The following ERP27 variants were observed in gnomAD, a reference collection of about 807,000 sequenced individuals.
The protein encoded by ERP27 is endoplasmic reticulum protein 27, also known as endoplasmic reticulum resident protein 27.
A neutral mutation model predicts 27.7 loss-of-function variants in ERP27; 23 were observed. That is an observed-to-expected ratio of 0.83 (90% confidence interval 0.60 to 1.18). The LOEUF is 1.18. Ranked by LOEUF, ERP27 falls within the 50% of genes most tolerant of loss-of-function variation. The probability of loss-of-function intolerance (pLI) is 0.00; values close to 1 mark genes in which losing one functional copy is unlikely to be tolerated. For missense variants in ERP27, 363 were observed against 327.9 expected, an observed-to-expected ratio of 1.11 and a Z score of -0.83; for synonymous variants, 159 against 118.3, an observed-to-expected ratio of 1.34 and a Z score of -2.23.
intron 3 of ERP27, among the ~76,000 whole-genome samples, chr12:14,923,491 C>CG (rs59819789): frequency 1.6e-5 from 2 of 127,892 alleles, no homozygotes; most frequent in Non-Finnish European, 3.4e-5. Context: ...TATCTATAAT[C>CG]AATCTATCTA....
At position 14,915,645 on chromosome 12, in the gene ERP27, C is replaced by A; in HGVS notation, c.618G>T (p.Gly206=). The A allele has an allele frequency of 6.2e-7, 1 of 1,614,176 alleles. No homozygotes were observed. The highest frequency in any genetic ancestry group is 8.5e-7 in the Non-Finnish European group (1 of 1,180,020). ...ILVDSGMKEN[G]KVISFFKLKE... is the part of the protein sequence containing the mutation. ...TTAGTTTGAAAAATGATATCACCTT[C>A]CCATTTTCTTTCATACCACTGTCCA... is the stretch of plus-strand genomic sequence containing the variant. Residue 206 remains glycine (G), a synonymous_variant, in exon 6 of 7, where the codon GGG becomes GGT. Coordinates refer to ENST00000266397, the MANE Select transcript of ERP27 (RefSeq NM_152321.4).
rs1372560412 is a variant in ERP27, at chr12:14,938,043, C to G, written c.104G>C (p.Gly35Ala). The G allele has an allele frequency of 6.2e-7, 1 of 1,613,840 alleles. No homozygotes were observed. The highest frequency in any genetic ancestry group is 8.5e-7 in the Non-Finnish European group (1 of 1,179,806). ...AEVEKSSDGP[G>A]AAQEPTWLTD... ...GAGCCACGTGGGTTCCTGGGCAGCACCAGGACCATCTAGAGAGAGAAGCAG... is the reference window on the plus strand; with the variant it reads ...GAGCCACGTGGGTTCCTGGGCAGCAGCAGGACCATCTAGAGAGAGAAGCAG... The change falls in exon 2 of 7, where the codon GGT becomes GCT. Residue 35 changes from glycine (G) to alanine (A), a missense_variant. Gly to Ala is a moderately conservative substitution (Grantham distance 60). Transcript: ENST00000266397.
chr12:14,921,851 C>G (rs1247477972), intron 3 of ERP27, among the ~76,000 whole-genome samples: 1 of 151,890 alleles, frequency 6.6e-6, no homozygotes, highest in African/African-American at 2.4e-5. Flanking sequence ...TTCCTTTATA[C>G]CTTTATAACT....
chr12:14,930,095 A>G (rs1863675951), intron 3 of ERP27, among the ~76,000 whole-genome samples: 1 of 152,166 alleles, frequency 6.6e-6, no homozygotes. Context: ...TGACGGGTAG[A>G]TAGGTGCAGC....
chr12:14,920,751 T>G, intron 4 of ERP27, among the ~76,000 whole-genome samples, 181 bp downstream of exon 4: 1 of 152,204 alleles, frequency 6.6e-6, no homozygotes, highest in South Asian at 2.1e-4. Flanking sequence ...TTTCTCTGTT[T>G]TTTTGTCTAA....
chr12:14,929,081 G>A (rs1260512972), intron 3 of ERP27: 3 of 1,524,484 alleles, frequency 2.0e-6, no homozygotes, highest in Non-Finnish European at 2.6e-6. Flanking sequence ...ATTTTTCTAG[G>A]AATTCCTAGG....
At chr12:14,924,638 C>G (rs891803282) in intron 3 of ERP27, among the ~76,000 whole-genome samples, 9 of 152,048 alleles carry the variant, frequency 5.9e-5, no homozygotes, top group Non-Finnish European at 1.2e-4. Context: ...GAAAGCAACC[C>G]CTGACTTGAC....
intron 4 of ERP27, among the ~76,000 whole-genome samples, chr12:14,917,628 C>T (rs1863432482): frequency 6.6e-6 from 1 of 152,180 alleles, no homozygotes; most frequent in African/African-American, 2.4e-5. Context: ...TGAGGAATAC[C>T]AGCCCCAGTG....
At chr12:14,931,337 G>A (rs1305223975) in intron 3 of ERP27, among the ~76,000 whole-genome samples, 1 of 137,928 alleles carries the variant, frequency 7.3e-6, no homozygotes, top group East Asian at 2.2e-4. Flanking sequence ...TGTAAAATAG[G>A]ATAGTCTTGG....
At chr12:14,917,429 G>A in intron 4 of ERP27, 126 bp from the exon 5 acceptor site, 1 of 1,286,586 alleles carries the variant, frequency 7.8e-7, no homozygotes, top group Non-Finnish European at 1.1e-6. Flanking sequence ...AATGGAACTA[G>A]CTTCCAAGAT....
intron 4 of ERP27, among the ~76,000 whole-genome samples, chr12:14,919,223 A>T (rs545119897): frequency 1.3e-5 from 2 of 152,342 alleles, no homozygotes; most frequent in East Asian, 3.9e-4. Flanking sequence ...AAAAAAAGTA[A>T]CAATACAGAT....
chr12:14,917,355 A>G (rs774315181), intron 4 of ERP27, 52 bp from the exon 5 acceptor site: 3 of 1,612,478 alleles, frequency 1.9e-6, no homozygotes, highest in East Asian at 4.5e-5. Context: ...AGAATGCATT[A>G]GTACCTGGGA....
intron 4 of ERP27, among the ~76,000 whole-genome samples, chr12:14,920,098 C>T (rs192628797): frequency 1.3e-5 from 2 of 152,038 alleles, no homozygotes; most frequent in Admixed American, 1.3e-4. Flanking sequence ...AAATTAATAC[C>T]CTGTAAGGTT....
At chr12:14,932,450 C>A (rs964595507) in intron 3 of ERP27, among the ~76,000 whole-genome samples, 11 of 152,036 alleles carry the variant, frequency 7.2e-5, no homozygotes, top group African/African-American at 2.7e-4. Context: ...TAGGCAAAAT[C>A]ATGGAATTGG....
At position 14,917,203 on chromosome 12, in the gene ERP27, T is replaced by G. The variant is rs1863423628; in HGVS notation, c.551A>C (p.Lys184Thr). 1 of 1,614,188 alleles carries G rather than the reference T, an allele frequency of 6.2e-7. No individual in the cohort carries two copies. The highest frequency in any genetic ancestry group is 8.5e-7 in the Non-Finnish European group (1 of 1,180,014). The part of the protein sequence containing the change: ...EYEENMHRYQ[K>T]AAKLFQGKIL... ...CTTCCCCTGGAAGAGCTTGGCTGCC[T>G]TCTGGTATCTGTGCATGTTCTCTTC... The change falls in exon 5 of 7, where the codon AAG (lysine) becomes ACG (threonine). Residue 184 changes from lysine to threonine, a missense_variant. By Grantham distance (78) the Lys-to-Thr change is moderately conservative (BLOSUM62 -1). Transcript: ENST00000266397.
At chr12:14,917,857 G>T (rs889352108) in intron 4 of ERP27, among the ~76,000 whole-genome samples, 16 of 152,256 alleles carry the variant, frequency 1.1e-4, no homozygotes, top group African/African-American at 3.6e-4. Flanking sequence ...CCCCAAATTG[G>T]ATGACCTGCA....
chr12:14,937,528 G>A (rs1863790077), intron 2 of ERP27, among the ~76,000 whole-genome samples: 1 of 152,194 alleles, frequency 6.6e-6, no homozygotes, highest in Admixed American at 6.5e-5. Context: ...ACTGACTAAT[G>A]TCCAGGATGT....
intron 3 of ERP27, among the ~76,000 whole-genome samples, chr12:14,933,561 T>C (rs1299373978): frequency 6.6e-6 from 1 of 151,988 alleles, no homozygotes; most frequent in Non-Finnish European, 1.5e-5. Flanking sequence ...GAAGTTTCAA[T>C]GAGAAAAGAA....
intron 4 of ERP27, among the ~76,000 whole-genome samples, chr12:14,917,571 G>A (rs1287564801): frequency 1.3e-5 from 2 of 152,208 alleles, no homozygotes; most frequent in African/African-American, 4.8e-5. Context: ...CCAAGGTGAA[G>A]TCTTAAAAGA....
Sources: gnomAD v4.1 joint callset for allele counts (sites outside exome capture counted in the v4.1 genomes callset) on GRCh38, gnomAD v4.1.1 for gene constraint, MANE v1.5 for transcripts, NCBI Gene and HGNC (gene_info 2026-07-23, HGNC 2026-07-21) for gene names.